Variants in AMMECR1 observed in about 807,000 individuals in gnomAD.
AMMECR1 encodes AMMECR nuclear protein 1.
In AMMECR1, 3 loss-of-function variants were observed where a neutral mutation model predicts 22.5. The ratio of observed to expected loss-of-function variants is 0.13; its 90% CI spans 0.06 to 0.35. AMMECR1 has a LOEUF of 0.35. AMMECR1 is among the 10% of genes least tolerant of loss of function. The probability of loss-of-function intolerance (pLI) is 1.00; values close to 1 mark genes in which losing one functional copy is unlikely to be tolerated. For missense variants in AMMECR1, 235 were observed against 278.7 expected, an observed-to-expected ratio of 0.84 and a Z score of 1.12; for synonymous variants, 130 against 116.7, an observed-to-expected ratio of 1.11 and a Z score of -0.74.
At position 110,316,578 on chromosome X, in the gene AMMECR1, TA is replaced by T. The variant is rs1256217160; in HGVS notation, c.473+1020del. On this transcript the variant is annotated intron_variant, in intron 1 of 5. Coordinates refer to ENST00000262844, the MANE Select transcript of AMMECR1 (RefSeq NM_015365.3). The stretch of plus-strand genomic sequence containing the variant: ...GTCAGTTTACATTCAGTTTACACAT[TA>T]AAAAAAAAAAACCATATGCCCCACC... Among the ~76,000 whole-genome samples, 368 of 102,114 alleles carry T rather than the reference TA, an allele frequency of 3.6e-3. 1 individual carries two copies. The highest frequency in any genetic ancestry group is 0.011 in the African/African-American group (326 of 28,364). The allele number at this position is 102,114 out of a possible 115,157, so 88.7% of individuals were successfully genotyped here.
At chrX:110,319,904 G>A (rs895781115), upstream of AMMECR1, among the ~76,000 whole-genome samples, 1 of 112,239 alleles carries the variant, frequency 8.9e-6, no homozygotes, top group Non-Finnish European at 1.9e-5. Context: ...AGGTGGAACC[G>A]AGGTTAAACA....
intron 2 of AMMECR1, among the ~76,000 whole-genome samples, chrX:110,414,958 A>C (rs966685955): frequency 1.8e-5 from 2 of 111,693 alleles, no homozygotes; most frequent in African/African-American, 6.5e-5. Flanking sequence ...AGAAAGAAGA[A>C]AGCATATATA....
At chrX:110,200,051 C>G (rs368562807) in intron 5 of AMMECR1, among the ~76,000 whole-genome samples, 13 of 111,611 alleles carry the variant, frequency 1.2e-4, no homozygotes, top group African/African-American at 3.6e-4. Context: ...ACTTCACCAC[C>G]CTTGACTCAC....
At chrX:110,219,731 A>G in intron 2 of AMMECR1, 4 of 325,168 alleles carry the variant, frequency 1.2e-5, no homozygotes, top group Non-Finnish European at 1.6e-5. Context: ...ACTGATTTCA[A>G]AACTCTGAAA....
intron 1 of AMMECR1, among the ~76,000 whole-genome samples, chrX:110,434,858 T>A (rs1276380301): frequency 9.1e-6 from 1 of 109,868 alleles, no homozygotes; most frequent in Non-Finnish European, 1.9e-5. Context: ...GGGCAAGGGC[T>A]AGGGACAGAG....
intron 3 of AMMECR1, among the ~76,000 whole-genome samples, chrX:110,215,966 C>G (rs1176874310): frequency 8.9e-6 from 1 of 112,017 alleles, no homozygotes; most frequent in African/African-American, 3.2e-5. Context: ...AATAGCAATG[C>G]ACAGAGATAC....
intron 2 of AMMECR1, among the ~76,000 whole-genome samples, chrX:110,247,819 A>G (rs1415074110): frequency 8.9e-6 from 1 of 112,491 alleles, no homozygotes; most frequent in Non-Finnish European, 1.9e-5. Context: ...ACAAGTTTGA[A>G]AGATATTTTC....
chrX:110,255,711 G>A (rs1027814267), intron 2 of AMMECR1, among the ~76,000 whole-genome samples: 1 of 111,332 alleles, frequency 9.0e-6, no homozygotes, highest in Non-Finnish European at 1.9e-5. Context: ...CTACTAGGAA[G>A]GATACAAAAG....
rs2148227957 is a variant in AMMECR1 at position 110,318,067 on chromosome X, G to A, written c.5C>T (p.Ala2Val). ...CTTCTTCACCCCGCAGCAACCCGCCGCCATCTTGGAACAGTCTCCCCCACG... is the reference window on the plus strand; with the variant it reads ...CTTCTTCACCCCGCAGCAACCCGCCACCATCTTGGAACAGTCTCCCCCACG... The part of the protein sequence containing the change: M[A>V]AGCCGVKKQK... The change falls in exon 1 of 6, where the codon GCG (alanine) becomes GTG (valine). Residue 2 changes from alanine (A) to valine (V), a missense_variant. Physicochemically the swap from Ala to Val is moderately conservative, Grantham distance 64. This residue lies in a region of AMMECR1 where 124 missense variants were observed against 97.0 expected (regional missense o/e 1.28). Transcript: ENST00000262844. 1 of 1,196,862 alleles carries A rather than the reference G, an allele frequency of 8.4e-7. No individual in the cohort carries two copies. The highest frequency in any genetic ancestry group is 1.8e-5 in the South Asian group (1 of 54,533).
chrX:110,291,664 A>G (rs1005019199), intron 1 of AMMECR1, among the ~76,000 whole-genome samples: 2 of 112,084 alleles, frequency 1.8e-5, no homozygotes, highest in African/African-American at 6.5e-5. Context: ...CTGATGTTAT[A>G]TTGCAGAATT....
At chrX:110,214,375 T>C (rs1324002250) in intron 3 of AMMECR1, among the ~76,000 whole-genome samples, 1 of 111,683 alleles carries the variant, frequency 9.0e-6, no homozygotes, top group Non-Finnish European at 1.9e-5. Flanking sequence ...AGGAACAATA[T>C]AGAATCTTCT....
chrX:110,212,868 A>G (rs2067454394), intron 3 of AMMECR1, among the ~76,000 whole-genome samples: 1 of 111,975 alleles, frequency 8.9e-6, no homozygotes, highest in Admixed American at 9.5e-5. Flanking sequence ...TATTGATACA[A>G]AGACAGATAA....
chrX:110,264,829 T>C (rs1319133896), intron 1 of AMMECR1, among the ~76,000 whole-genome samples: 2 of 111,638 alleles, frequency 1.8e-5, no homozygotes, highest in Admixed American at 9.5e-5. Flanking sequence ...ATAAATGTTT[T>C]AAACAAACTA....
At chrX:110,406,597 T>G (rs904154202) in intron 2 of AMMECR1, among the ~76,000 whole-genome samples, 2 of 112,089 alleles carry the variant, frequency 1.8e-5, no homozygotes, top group African/African-American at 6.5e-5. Flanking sequence ...AGCAGCATGA[T>G]TTGTAATCCT....
At position 110,196,069 on chromosome X, in the gene AMMECR1, T is replaced by C. The variant is rs1251881843; in HGVS notation, c.*2451A>G. On this transcript the variant is annotated 3_prime_UTR_variant, in exon 6 of 6. Transcript: ENST00000262844. Reference sequence around the variant, plus strand: ...CACTGCTAAGAAAATCTGTATAACATCTGCATATATCAAGGATTTTAAAAA... The same window carrying C: ...CACTGCTAAGAAAATCTGTATAACACCTGCATATATCAAGGATTTTAAAAA... 4.5e-5 allele frequency: 5 copies of C among 112,086 alleles called. No individual in the cohort carries two copies. The highest frequency in any genetic ancestry group is 1.6e-4 in the African/African-American group (5 of 30,837). The allele number at this position is 112,086 out of a possible 1,213,427, so 9.2% of individuals were successfully genotyped here. A position where few individuals can be genotyped will look rare whatever the true frequency, so the allele number is the denominator to read the frequency against.
intron 1 of AMMECR1, among the ~76,000 whole-genome samples, chrX:110,438,184 C>T (rs1328858017): frequency 9.0e-6 from 1 of 111,476 alleles, no homozygotes; most frequent in Non-Finnish European, 1.9e-5. Context: ...GTCCCTCTAT[C>T]AGAACCTGCT....
At chrX:110,314,932 C>T (rs2068041110) in intron 1 of AMMECR1, among the ~76,000 whole-genome samples, 1 of 111,784 alleles carries the variant, frequency 8.9e-6, no homozygotes, top group Admixed American at 9.5e-5. Context: ...CAGTTACAGA[C>T]ATTCTGAGAG....
chrX:110,264,699 A>G, intron 1 of AMMECR1, 100 bp from the exon 2 acceptor site: 1 of 649,052 alleles, frequency 1.5e-6, no homozygotes, highest in Non-Finnish European at 2.4e-6. Flanking sequence ...TGAGATATAA[A>G]GACCAAAAGA....
intron 2 of AMMECR1, among the ~76,000 whole-genome samples, chrX:110,408,748 C>A (rs2068620573): frequency 8.9e-6 from 1 of 112,018 alleles, no homozygotes; most frequent in Non-Finnish European, 1.9e-5. Context: ...CATGGGGATT[C>A]TATATAAAGG....
Sources: allele counts gnomAD v4.1 joint callset (sites outside exome capture counted in the v4.1 genomes callset), GRCh38; gene constraint gnomAD v4.1.1; regional missense constraint gnomAD v4.1.1; transcripts MANE v1.5; gene names NCBI Gene and HGNC (gene_info 2026-07-23, HGNC 2026-07-21).